HHLA2: variants seen among roughly 807,000 people sequenced by gnomAD.
The protein encoded by HHLA2 is HHLA2 member of B7 family, also known as HERV-H LTR-associating protein 2.
A neutral mutation model predicts 45.9 loss-of-function variants in HHLA2; 48 were observed. The ratio of observed to expected loss-of-function variants is 1.05; its 90% CI spans 0.83 to 1.33. The LOEUF is 1.33. Among genes scored for constraint, HHLA2 ranks in the 40% most tolerant of loss-of-function variants. The pLI is 0.00. For missense variants in HHLA2, 462 were observed against 494.3 expected (o/e 0.93, Z 0.62); for synonymous variants, 161 against 173.9 (o/e 0.93, Z 0.59).
chr3:108,321,971 C>G lies in HHLA2; in HGVS notation c.-104-6299C>G, dbSNP rs550864285. On this transcript the variant is annotated intron_variant, in intron 2 of 10. Coordinates refer to ENST00000619531, the Ensembl canonical transcript of HHLA2. ...TTATGAATGTAACTTTTTCTTATCT[C>G]TCTGAAGATGTTAGTTATAGTTTTA... is the stretch of plus-strand genomic sequence containing the variant. Among the ~76,000 whole-genome samples the G allele has an allele frequency of 2.0e-5, 3 of 152,234 alleles. No individual in the cohort carries two copies. The East Asian group carries it at 5.8e-4, about 29-fold the overall frequency.
intron 7 of HHLA2, 23 bp from the exon 7 acceptor site, chr3:108,362,319 T>C (rs920261343): frequency 1.3e-6 from 2 of 1,564,726 alleles, no homozygotes; most frequent in African/African-American, 1.4e-5. Context: ...TTCACAGACT[T>C]TGTTTCTCCT....
chr3:108,347,371 C>A (rs1201008969), intron 3 of HHLA2, among the ~76,000 whole-genome samples: 1 of 150,658 alleles, frequency 6.6e-6, no homozygotes, highest in Non-Finnish European at 1.5e-5. Flanking sequence ...CAATTTTTGG[C>A]TCATGCTCAT....
intron 1 of HHLA2, among the ~76,000 whole-genome samples, chr3:108,308,763 A>T (rs2080970902): frequency 6.6e-6 from 1 of 152,096 alleles, no homozygotes; most frequent in Non-Finnish European, 1.5e-5. Context: ...CTGATCAGTG[A>T]TGTTGAGCAC....
chr3:108,297,724 T>A (rs961564396), intron 1 of HHLA2, among the ~76,000 whole-genome samples: 14 of 152,190 alleles, frequency 9.2e-5, no homozygotes, highest in African/African-American at 3.4e-4. Context: ...ACTTTTGGCG[T>A]GTGGCCCACC....
At chr3:108,311,448 A>G (rs1165694192) in intron 2 of HHLA2, among the ~76,000 whole-genome samples, 2 of 152,184 alleles carry the variant, frequency 1.3e-5, no homozygotes, top group Admixed American at 1.3e-4. Flanking sequence ...GAAGGAGAAA[A>G]TGGAAATTCA....
At chr3:108,328,954 A>T (rs1335160524) in intron 3 of HHLA2, among the ~76,000 whole-genome samples, 1 of 152,136 alleles carries the variant, frequency 6.6e-6, no homozygotes, top group Non-Finnish European at 1.5e-5. Context: ...ACATCTTAGA[A>T]TCAGAGTTTG....
chr3:108,311,724 G>A (rs1037178213), intron 2 of HHLA2: 1 of 152,022 alleles, frequency 6.6e-6, no homozygotes, highest in South Asian at 2.1e-4. Context: ...CAGTAACTAG[G>A]GCCTGACATA....
chr3:108,365,416 G>C (rs2082048395), intron 8 of HHLA2, among the ~76,000 whole-genome samples: 1 of 152,194 alleles, frequency 6.6e-6, no homozygotes, highest in Non-Finnish European at 1.5e-5. Flanking sequence ...GGTATAGTCT[G>C]AAGTCAGGCA....
chr3:108,370,870 T>A (rs1006438723), intron 8 of HHLA2, among the ~76,000 whole-genome samples: 7 of 152,146 alleles, frequency 4.6e-5, no homozygotes, highest in African/African-American at 7.2e-5. Flanking sequence ...CTGAAAGTGA[T>A]GGGGAGAATG....
chr3:108,346,942 T>C (rs1185904221), intron 3 of HHLA2, among the ~76,000 whole-genome samples: 1 of 152,194 alleles, frequency 6.6e-6, no homozygotes, highest in Non-Finnish European at 1.5e-5. Context: ...AGTCTTAGCA[T>C]ATGGATTTCT....
In HHLA2 at chr3:108,366,135, T is replaced by C. The variant is rs544016897; in HGVS notation, c.1108+3689T>C. On this transcript the variant is annotated intron_variant, in intron 8 of 10. Coordinates refer to ENST00000619531, the Ensembl canonical transcript of HHLA2. ...TGGGTTTGTCATAAATAGCTCTTATTATATTGAGATATGTTCCATCAATGC... is the reference window on the plus strand; with the variant it reads ...TGGGTTTGTCATAAATAGCTCTTATCATATTGAGATATGTTCCATCAATGC... Among the ~76,000 whole-genome samples the C allele has an allele frequency of 3.4e-4, 52 of 152,328 alleles. No individual in the cohort carries two copies. The Middle Eastern group carries it at 0.01, about 30-fold the overall frequency.
At chr3:108,362,352 A>G in exon 8 of HHLA2, 1 of 1,610,752 alleles carries the variant, frequency 6.2e-7, no homozygotes, top group South Asian at 1.1e-5. Context: ...AACCGAGCCA[A>G]GAAACAGCTT....
chr3:108,328,547 C>A (rs919848560), intron 3 of HHLA2, among the ~76,000 whole-genome samples: 1 of 152,072 alleles, frequency 6.6e-6, no homozygotes, highest in Non-Finnish European at 1.5e-5. Flanking sequence ...GTAACTTGGA[C>A]AACAGTACAC....
chr3:108,302,249 G>A (rs1464111639), intron 1 of HHLA2, among the ~76,000 whole-genome samples: 1 of 152,132 alleles, frequency 6.6e-6, no homozygotes, highest in African/African-American at 2.4e-5. Flanking sequence ...TAGTAGGAGG[G>A]TTAGTCTTTC....
intron 8 of HHLA2, among the ~76,000 whole-genome samples, chr3:108,366,761 G>A (rs2082069589): frequency 6.6e-6 from 1 of 152,214 alleles, no homozygotes; most frequent in Non-Finnish European, 1.5e-5. Context: ...TTTGCTTAGA[G>A]GTGTTTATAG....
At chr3:108,366,125 T>C (rs1208796410) in intron 8 of HHLA2, among the ~76,000 whole-genome samples, 1 of 152,232 alleles carries the variant, frequency 6.6e-6, no homozygotes, top group East Asian at 1.9e-4. Flanking sequence ...TTGTCATAAA[T>C]AGCTCTTATT....
intron 7 of HHLA2, among the ~76,000 whole-genome samples, chr3:108,360,030 C>G (rs2081961225): frequency 6.6e-6 from 1 of 152,150 alleles, no homozygotes; most frequent in African/African-American, 2.4e-5. Context: ...GTGGCTGTAG[C>G]TTCTTCATCA....
At chr3:108,323,311 GGGAT>G (rs2107351416) in intron 2 of HHLA2, among the ~76,000 whole-genome samples, 1 of 152,146 alleles carries the variant, frequency 6.6e-6, no homozygotes, top group African/African-American at 2.4e-5. Context: ...ATTGCTTGAG[GGGAT>G]GGATACCCCT....
chr3:108,350,473 A>T (rs2081756660), intron 3 of HHLA2, among the ~76,000 whole-genome samples: 1 of 152,214 alleles, frequency 6.6e-6, no homozygotes, highest in Admixed American at 6.5e-5. Flanking sequence ...TTTTGATAAG[A>T]TGTGATGAAG....
Sources: allele counts gnomAD v4.1 joint callset (sites outside exome capture counted in the v4.1 genomes callset), GRCh38; gene constraint gnomAD v4.1.1; transcripts MANE v1.5; gene names NCBI Gene and HGNC (gene_info 2026-07-23, HGNC 2026-07-21).